Variants in NEBL observed in about 807,000 individuals in gnomAD.
NEBL encodes the protein nebulette.
A neutral mutation model predicts 140.2 loss-of-function variants in NEBL; 122 were observed. That is an observed-to-expected ratio of 0.87 (90% CI 0.75 to 1.01). NEBL has a LOEUF of 1.01. Ranked by LOEUF, NEBL falls within the 50% of genes least tolerant of loss-of-function variation. The probability of loss-of-function intolerance (pLI) is 0.00; values close to 1 mark genes in which losing one functional copy is unlikely to be tolerated. For missense variants in NEBL, 1,365 were observed against 1,231.3 expected (o/e 1.11, Z -1.62); for synonymous variants, 436 against 398.9 (o/e 1.09, Z -1.11).
Position 20,964,941 on chromosome 10 carries a change from C to T in NEBL, c.250-3162G>A, listed in dbSNP as rs894481574. ...GAATTCTGATGAACATAACCAGCCC[C>T]CGTGTCCATGTGTTGTACACACGTA... On this transcript the variant is annotated intron_variant, in intron 3 of 6. Coordinates refer to the NEBL transcript ENST00000417816. Among the ~76,000 whole-genome samples, 4 of 152,304 alleles carry T rather than the reference C, an allele frequency of 2.6e-5. No individual in the cohort carries two copies. The East Asian group carries it at 7.7e-4, about 29-fold the overall frequency.
intron 1 of NEBL, among the ~76,000 whole-genome samples, chr10:21,277,780 A>G (rs979537083): frequency 1.3e-5 from 2 of 151,950 alleles, no homozygotes; most frequent in African/African-American, 4.8e-5. Context: ...ACTGTTTTTA[A>G]CACCTTGTCC....
intron 4 of NEBL, among the ~76,000 whole-genome samples, chr10:20,920,013 A>G (rs919831249): frequency 6.6e-6 from 1 of 152,234 alleles, no homozygotes; most frequent in African/African-American, 2.4e-5. Flanking sequence ...TGAATAGTTC[A>G]CAGAAAACAG....
At chr10:21,070,657 C>G (rs1284098153) in intron 2 of NEBL, among the ~76,000 whole-genome samples, 2 of 152,092 alleles carry the variant, frequency 1.3e-5, no homozygotes, top group African/African-American at 2.4e-5. Flanking sequence ...AACATTAAAT[C>G]TTCTATGTTA....
intron 21 of NEBL, among the ~76,000 whole-genome samples, chr10:20,816,393 T>C (rs966858701): frequency 3.9e-5 from 6 of 152,226 alleles, no homozygotes; most frequent in African/African-American, 1.4e-4. Context: ...TTTGTAAAGA[T>C]GTGTTTAAAT....
At chr10:21,263,730 C>T (rs1017335070) in intron 1 of NEBL, among the ~76,000 whole-genome samples, 1 of 152,096 alleles carries the variant, frequency 6.6e-6, no homozygotes, top group Non-Finnish European at 1.5e-5. Flanking sequence ...TTTGAGAGGC[C>T]GAGGCAGGCG....
At chr10:21,037,735 T>G (rs1019430654) in intron 2 of NEBL, among the ~76,000 whole-genome samples, 25 of 151,886 alleles carry the variant, frequency 1.6e-4, no homozygotes, top group African/African-American at 5.8e-4. Context: ...ATTGTTGAAA[T>G]AAAATAGTCA....
rs1834998298 is a variant in NEBL at position 20,780,922 on chromosome 10, G to A, written c.*4825C>T. ...AATATTAATGTTAATGATTAGGGTA[G>A]CCTTGAAGGGTTTGTGAGTGACTGT... On this transcript the variant is annotated 3_prime_UTR_variant, in exon 28 of 28. Transcript: ENST00000377122. 6.6e-6 allele frequency: 1 copy of A among 152,184 alleles called. No individual in the cohort carries two copies. Among genetic ancestry groups the A allele is most frequent in the Admixed American group, 6.5e-5 (1 of 15,268 alleles). The allele number at this position is 152,184 out of a possible 1,614,324, so 9.4% of individuals were successfully genotyped here. A position where few individuals can be genotyped will look rare whatever the true frequency, so the allele number is the denominator to read the frequency against.
intron 2 of NEBL, among the ~76,000 whole-genome samples, chr10:21,076,985 C>A (rs1359084444): frequency 6.6e-6 from 1 of 152,086 alleles, no homozygotes; most frequent in Non-Finnish European, 1.5e-5. Context: ...CATACATTTG[C>A]ACAAAAATGT....
chr10:21,149,184 C>T (rs1453554068), intron 2 of NEBL, among the ~76,000 whole-genome samples: 1 of 152,232 alleles, frequency 6.6e-6, no homozygotes, highest in Non-Finnish European at 1.5e-5. Context: ...GTAGTGAGAA[C>T]TTCGGGGCAG....
chr10:21,042,694 T>C (rs1834327863), intron 2 of NEBL, among the ~76,000 whole-genome samples: 1 of 152,204 alleles, frequency 6.6e-6, no homozygotes, highest in African/African-American at 2.4e-5. Context: ...TCGCAAACAC[T>C]GCAAATCAGG....
At chr10:21,236,182 A>G (rs1842346072) in intron 3 of NEBL, among the ~76,000 whole-genome samples, 2 of 152,170 alleles carry the variant, frequency 1.3e-5, no homozygotes, top group Non-Finnish European at 1.5e-5. Flanking sequence ...CACAGTCTCA[A>G]TCATGGGAGG....
chr10:21,271,174 A>T (rs1404935375), intron 1 of NEBL, among the ~76,000 whole-genome samples: 1 of 152,252 alleles, frequency 6.6e-6, no homozygotes, highest in African/African-American at 2.4e-5. Context: ...ACAGCCTTAA[A>T]AAATAAGGAA....
intron 4 of NEBL, among the ~76,000 whole-genome samples, chr10:20,931,060 C>T (rs1294042051): frequency 6.6e-6 from 1 of 152,114 alleles, no homozygotes; most frequent in Non-Finnish European, 1.5e-5. Context: ...CAAGCCAGTC[C>T]TTTCAGATTC....
intron 5 of NEBL, among the ~76,000 whole-genome samples, chr10:20,879,828 A>T (rs556983172): frequency 1.8e-4 from 28 of 151,812 alleles, no homozygotes; most frequent in African/African-American, 4.8e-4. Flanking sequence ...AGGAGATTTT[A>T]AAAAAAAGCT....
At chr10:21,142,647 G>A (rs1228768662) in intron 2 of NEBL, among the ~76,000 whole-genome samples, 1 of 152,176 alleles carries the variant, frequency 6.6e-6, no homozygotes, top group Non-Finnish European at 1.5e-5. Context: ...CTGAAAACAG[G>A]AGATAGACTA....
rs139990238 is a variant in NEBL, at chr10:21,275,134, C to G, written n.182+17696G>C. On this transcript the variant is annotated intron_variant and non_coding_transcript_variant, in intron 1 of 8. Coordinates refer to the NEBL transcript ENST00000675702. ...CTGAGCCTTCAGATGAGATGCCCAC[C>G]CCACCCTGCTCAACAGCTTTATCGC... Among the ~76,000 whole-genome samples, 419 of 152,252 alleles carry G rather than the reference C, an allele frequency of 2.8e-3. 1 individual carries two copies. The highest frequency in any genetic ancestry group is 8.7e-3 in the African/African-American group (363 of 41,538).
At chr10:20,935,150 G>A (rs535666349) in intron 4 of NEBL, among the ~76,000 whole-genome samples, 14 of 152,268 alleles carry the variant, frequency 9.2e-5, no homozygotes, top group Non-Finnish European at 1.6e-4. Context: ...AATTCAATCA[G>A]TCCTTCAACA....
At chr10:20,851,217 T>A (rs976149381) in intron 10 of NEBL, among the ~76,000 whole-genome samples, 1 of 152,142 alleles carries the variant, frequency 6.6e-6, no homozygotes, top group Non-Finnish European at 1.5e-5. Flanking sequence ...CTCATAGAAG[T>A]TTTTATACTT....
At chr10:21,208,366 T>C (rs1841863602) in intron 3 of NEBL, among the ~76,000 whole-genome samples, 1 of 152,172 alleles carries the variant, frequency 6.6e-6, no homozygotes, top group Admixed American at 6.5e-5. Context: ...AAGGGAACTA[T>C]AATCTTGTAA....
Sources: allele counts gnomAD v4.1 joint callset (sites outside exome capture counted in the v4.1 genomes callset), GRCh38; gene constraint gnomAD v4.1.1; transcripts MANE v1.5; gene names NCBI Gene and HGNC (gene_info 2026-07-23, HGNC 2026-07-21).